The following DLGAP2 variants were observed in gnomAD, a reference collection of about 807,000 sequenced individuals.
The protein encoded by DLGAP2 is disks large-associated protein 2.
In DLGAP2, 26 loss-of-function variants were observed where a neutral mutation model predicts 100.3. That is an observed-to-expected ratio of 0.26 (90% CI 0.19 to 0.36). The LOEUF (loss-of-function observed/expected upper bound fraction) is 0.36, where lower values mean the gene tolerates loss of function less well. Among genes scored for constraint, DLGAP2 ranks in the 10% least tolerant of loss-of-function variants. DLGAP2 has a pLI of 1.00. For synonymous variants in DLGAP2, 886 were observed against 630.1 expected (o/e 1.41, Z -6.08); for missense variants, 1,858 against 1,453.2 (o/e 1.28, Z -4.53).
At chr8:1,287,718 T>G (rs1799972070) in intron 3 of DLGAP2, among the ~76,000 whole-genome samples, 4 of 9,692 alleles carry the variant, frequency 4.1e-4, no homozygotes, top group African/African-American at 9.6e-4. Flanking sequence ...TGTGTGTGTG[T>G]GTATGTGTGT....
intron 1 of DLGAP2, among the ~76,000 whole-genome samples, chr8:876,859 A>G (rs1208091853): frequency 2.0e-5 from 3 of 152,116 alleles, no homozygotes; most frequent in African/African-American, 4.8e-5. Context: ...CAGAACATCT[A>G]TGGATCTGTT....
chr8:1,646,678 C>T (rs928081171), intron 8 of DLGAP2, among the ~76,000 whole-genome samples: 4 of 152,122 alleles, frequency 2.6e-5, no homozygotes, highest in Admixed American at 6.6e-5. Context: ...AAATAAAGGC[C>T]GCTGTCTCAG....
At chr8:1,423,585 GGAT>G (rs1472947695) in intron 3 of DLGAP2, among the ~76,000 whole-genome samples, 1 of 152,224 alleles carries the variant, frequency 6.6e-6, no homozygotes, top group Non-Finnish European at 1.5e-5. Context: ...ACGACTTCCA[GGAT>G]GAGGGAACAC....
chr8:1,308,514 A>T (rs1800542896), intron 3 of DLGAP2, among the ~76,000 whole-genome samples: 1 of 152,190 alleles, frequency 6.6e-6, no homozygotes, highest in South Asian at 2.1e-4. Flanking sequence ...GGACAACAAA[A>T]GAAATCTTTT....
At position 1,599,798 on chromosome 8, in the gene DLGAP2, G is replaced by A. The variant is rs545880666; in HGVS notation, c.1443-26942G>A. 2.4e-4 allele frequency among the ~76,000 whole-genome samples: 36 copies of A among 152,212 alleles called. 2 individuals are homozygous for A. The South Asian group carries it at 6.8e-3, about 29-fold the overall frequency. On this transcript the variant is annotated intron_variant, in intron 6 of 14. Coordinates refer to ENST00000637795, the MANE Select transcript of DLGAP2 (RefSeq NM_001346810.2). ...ACATGAGATGGGTCTCCTGAATACA[G>A]CATACTAATGGGCCTTGACTGTATC...
At chr8:1,449,958 G>A (rs1798100658) in intron 3 of DLGAP2, among the ~76,000 whole-genome samples, 1 of 115,984 alleles carries the variant, frequency 8.6e-6, no homozygotes, top group Admixed American at 7.9e-5. Context: ...GGGTGAAGAC[G>A]AGGTGGGCGG....
chr8:1,331,030 C>T (rs754733695), intron 3 of DLGAP2, among the ~76,000 whole-genome samples: 5 of 149,800 alleles, frequency 3.3e-5, no homozygotes, highest in Admixed American at 6.8e-5. Context: ...GTGGGAGCAC[C>T]GCTTCACAGG....
At chr8:1,151,173 A>G (rs1010149383) in intron 2 of DLGAP2, among the ~76,000 whole-genome samples, 1 of 152,222 alleles carries the variant, frequency 6.6e-6, no homozygotes, top group African/African-American at 2.4e-5. Flanking sequence ...ACGTCCCTGC[A>G]GAGGAAGAAA....
chr8:827,250 G>T (rs1017807808), intron 1 of DLGAP2, among the ~76,000 whole-genome samples: 4 of 152,194 alleles, frequency 2.6e-5, no homozygotes, highest in Non-Finnish European at 5.9e-5. Context: ...GTATCTCCTG[G>T]AGTGTGAATA....
intron 3 of DLGAP2, among the ~76,000 whole-genome samples, chr8:1,447,750 G>A (rs555087311): frequency 1.3e-5 from 2 of 152,130 alleles, no homozygotes; most frequent in African/African-American, 4.8e-5. Flanking sequence ...ATTGATTATT[G>A]CCACAATTTC....
intron 3 of DLGAP2, among the ~76,000 whole-genome samples, chr8:1,477,185 G>T (rs749244411): frequency 1.4e-4 from 22 of 152,216 alleles, no homozygotes; most frequent in Non-Finnish European, 2.4e-4. Flanking sequence ...GGAAGTTGCG[G>T]GGGTGGATGC....
intron 6 of DLGAP2, among the ~76,000 whole-genome samples, chr8:1,598,522 A>T (rs1796528593): frequency 1.3e-5 from 2 of 152,170 alleles, no homozygotes; most frequent in Admixed American, 1.3e-4. Flanking sequence ...TAGGCTATTA[A>T]TTACTGCCTC....
intron 2 of DLGAP2, among the ~76,000 whole-genome samples, chr8:1,221,286 G>C (rs191333156): frequency 1.3e-5 from 2 of 152,182 alleles, no homozygotes; most frequent in Admixed American, 1.3e-4. Context: ...TTCGAAGGCA[G>C]GTCTGGTGCT....
chr8:1,218,499 G>T (rs1477644268), intron 2 of DLGAP2, among the ~76,000 whole-genome samples: 9 of 151,582 alleles, frequency 5.9e-5, no homozygotes, highest in African/African-American at 1.7e-4. Context: ...GTTTAGTTTT[G>T]TTTTTTTACC....
rs368011266 is a variant in DLGAP2 at position 1,552,561 on chromosome 8, G to A, written c.1230+2878G>A. Among the ~76,000 whole-genome samples the A allele has an allele frequency of 3.9e-4, 59 of 152,292 alleles. 1 individual carries two copies. Among genetic ancestry groups the A allele is most frequent in the South Asian group, 3.5e-3 (17 of 4,828 alleles). ...GCAGGGCTGTCCCTTCCTGTCAATT[G>A]CATTAAACTTTCTGGTGGAAAACTA... On this transcript the variant is annotated intron_variant, in intron 5 of 14. Coordinates refer to ENST00000637795, the MANE Select transcript of DLGAP2 (RefSeq NM_001346810.2).
At chr8:1,274,404 A>C (rs567315713) in intron 3 of DLGAP2, among the ~76,000 whole-genome samples, 1 of 150,886 alleles carries the variant, frequency 6.6e-6, no homozygotes, top group Non-Finnish European at 1.5e-5. Context: ...AATATAAACC[A>C]TAAAATGAGT....
intron 2 of DLGAP2, among the ~76,000 whole-genome samples, chr8:1,216,531 C>T (rs775177134): frequency 6.6e-6 from 1 of 151,780 alleles, no homozygotes; most frequent in Admixed American, 6.6e-5. Flanking sequence ...CAGATTGTCT[C>T]ACTATGTTGC....
At chr8:1,540,100 G>C (rs927876082) in intron 4 of DLGAP2, among the ~76,000 whole-genome samples, 1 of 152,144 alleles carries the variant, frequency 6.6e-6, no homozygotes, top group Non-Finnish European at 1.5e-5. Context: ...CACCAACTCA[G>C]AGCTGTGGAC....
At chr8:890,810 C>T (rs1283119737) in intron 1 of DLGAP2, among the ~76,000 whole-genome samples, 1 of 152,144 alleles carries the variant, frequency 6.6e-6, no homozygotes, top group Non-Finnish European at 1.5e-5. Context: ...CCCCTCTGTG[C>T]CCAAGCCACC....
Sources: gnomAD v4.1 joint callset for allele counts (sites outside exome capture counted in the v4.1 genomes callset) on GRCh38, gnomAD v4.1.1 for gene constraint, MANE v1.5 for transcripts, NCBI Gene and HGNC (gene_info 2026-07-23, HGNC 2026-07-21) for gene names.